ZNG1E: variants seen among roughly 807,000 people sequenced by gnomAD.
The protein encoded by ZNG1E is zinc-regulated GTPase metalloprotein activator 1E.
At chr9:65,662,621 A>G in the ZNG1E span, among the ~76,000 whole-genome samples, 2 of 152,138 alleles carry the variant, frequency 1.3e-5, no homozygotes, top group Non-Finnish European at 2.9e-5. Context: ...ATGGATTAAT[A>G]ACAAGAAATT....
At chr9:65,685,263 A>T in the ZNG1E span, among the ~76,000 whole-genome samples, 1 of 152,272 alleles carries the variant, frequency 6.6e-6, no homozygotes, top group Non-Finnish European at 1.5e-5. Flanking sequence ...GGTAGTAGTT[A>T]CTGAAGGTTG....
chr9:65,655,830 CA>C, the ZNG1E span, among the ~76,000 whole-genome samples: 1 of 151,400 alleles, frequency 6.6e-6, no homozygotes, highest in African/African-American at 2.4e-5. Context: ...CAGTCTCTAG[CA>C]CACACTGAAC....
the ZNG1E span, among the ~76,000 whole-genome samples, chr9:65,721,947 GTCTC>G: frequency 3.3e-5 from 5 of 149,672 alleles, no homozygotes; most frequent in Admixed American, 3.3e-4. Context: ...CATGGCTGAG[GTCTC>G]TCTAACAGAA....
At chr9:65,709,301 T>C in the ZNG1E span, among the ~76,000 whole-genome samples, 1 of 150,812 alleles carries the variant, frequency 6.6e-6, no homozygotes, top group Non-Finnish European at 1.5e-5. Flanking sequence ...ATAACTCTCT[T>C]CACTTTATTT....
the ZNG1E span, among the ~76,000 whole-genome samples, chr9:65,681,252 G>T: frequency 2.0e-5 from 3 of 152,040 alleles, no homozygotes; most frequent in Non-Finnish European, 1.5e-5. Flanking sequence ...CATACTAGTC[G>T]ATTTAGAAAG....
the ZNG1E span, among the ~76,000 whole-genome samples, chr9:65,713,869 A>G: frequency 4.0e-5 from 6 of 150,804 alleles, no homozygotes; most frequent in Admixed American, 2.0e-4. Flanking sequence ...TCTTTGTGGC[A>G]TTCTCTGTAT....
At chr9:65,732,474 T>G in the ZNG1E span, 1 of 1,029,936 alleles carries the variant, frequency 9.7e-7, no homozygotes, top group Admixed American at 5.1e-5. Flanking sequence ...GATAATTCGT[T>G]TCTCATTTCT....
the ZNG1E span, among the ~76,000 whole-genome samples, chr9:65,727,688 C>G: frequency 8.8e-6 from 1 of 113,062 alleles, no homozygotes; most frequent in Non-Finnish European, 1.7e-5. Context: ...AAGGCCTTGT[C>G]CAACAGGAAA....
the ZNG1E span, among the ~76,000 whole-genome samples, chr9:65,684,539 C>G: frequency 1.0e-5 from 1 of 97,412 alleles, no homozygotes; most frequent in East Asian, 2.8e-4. Context: ...TGTATACACA[C>G]ACACACGCAC....
At chr9:65,691,643 T>C in the ZNG1E span, among the ~76,000 whole-genome samples, 1 of 152,256 alleles carries the variant, frequency 6.6e-6, no homozygotes, top group Non-Finnish European at 1.5e-5. Context: ...ATGTCCTTAA[T>C]GTAATGTTAG....
At chr9:65,671,322 G>T in the ZNG1E span, among the ~76,000 whole-genome samples, 3 of 152,016 alleles carry the variant, frequency 2.0e-5, no homozygotes, top group African/African-American at 7.2e-5. Context: ...AAAAAAAACT[G>T]ATTGGTTAAC....
chr9:65,680,414 A>C, the ZNG1E span, among the ~76,000 whole-genome samples: 1 of 152,128 alleles, frequency 6.6e-6, no homozygotes, highest in African/African-American at 2.4e-5. Flanking sequence ...TTGCACACTG[A>C]TTACATTTAT....
At chr9:65,658,958 C>A in the ZNG1E span, among the ~76,000 whole-genome samples, 1 of 151,592 alleles carries the variant, frequency 6.6e-6, no homozygotes, top group Admixed American at 6.6e-5. Flanking sequence ...AAAGGCCCCA[C>A]GTCTAAATAC....
the ZNG1E span, among the ~76,000 whole-genome samples, chr9:65,681,293 T>C: frequency 6.6e-6 from 1 of 152,218 alleles, no homozygotes; most frequent in Non-Finnish European, 1.5e-5. Context: ...AATGCCTTCA[T>C]TAAGAAATGG....
the ZNG1E span, among the ~76,000 whole-genome samples, chr9:65,678,818 A>G: frequency 7.1e-3 from 939 of 131,902 alleles, 57 homozygotes; most frequent in African/African-American, 0.027. Context: ...AAAGCATACT[A>G]TAAGTAGCCA....
chr9:65,717,301 T>A, the ZNG1E span, among the ~76,000 whole-genome samples: 1 of 149,580 alleles, frequency 6.7e-6, no homozygotes, highest in Non-Finnish European at 1.5e-5. Flanking sequence ...AAATTTGGTT[T>A]GTTCATTTAA....
the ZNG1E span, chr9:65,719,935 A>C: frequency 3.2e-5 from 45 of 1,409,550 alleles, 4 homozygotes; most frequent in African/African-American, 6.7e-4. Context: ...ACAGAATATT[A>C]GAATAGTCAG....
the ZNG1E span, chr9:65,675,649 T>C: frequency 2.0e-6 from 1 of 491,852 alleles, no homozygotes; most frequent in Non-Finnish European, 3.6e-6. Flanking sequence ...AGCCAGTAGC[T>C]TATTAAGGCT....
At chr9:65,660,414 G>A in the ZNG1E span, among the ~76,000 whole-genome samples, 1 of 151,282 alleles carries the variant, frequency 6.6e-6, no homozygotes, top group African/African-American at 2.4e-5. Flanking sequence ...AATGAAAAAA[G>A]AATCAGAGGA....
Sources: gnomAD v4.1 joint callset for allele counts (sites outside exome capture counted in the v4.1 genomes callset) on GRCh38, gnomAD v4.1.1 for gene constraint, MANE v1.5 for transcripts, NCBI Gene and HGNC (gene_info 2026-07-23, HGNC 2026-07-21) for gene names.